Variants in CSMD1 observed in about 807,000 individuals in gnomAD.
CSMD1 encodes CUB and sushi domain-containing protein 1.
In CSMD1, 213 loss-of-function variants were observed where a neutral mutation model predicts 417.5. That is an observed-to-expected ratio of 0.51 (90% CI 0.46 to 0.57). The LOEUF (loss-of-function observed/expected upper bound fraction) is 0.57, where lower values mean the gene tolerates loss of function less well. CSMD1 is among the 20% of genes least tolerant of loss of function. CSMD1 has a pLI of 0.00. For synonymous variants in CSMD1, 2,862 were observed against 1,736.8 expected (o/e 1.65, Z -16.11); for missense variants, 6,923 against 4,529.7 (o/e 1.53, Z -15.17).
chr8:3,215,500 C>G lies in CSMD1; in HGVS notation c.4673-809G>C, dbSNP rs540336296. ...GAAAGGATCATAAGAATGTAAAACT[C>G]AAGGAAAGTTAAGTCACTTCCACAA... On this transcript the variant is annotated intron_variant, in intron 29 of 69. Coordinates refer to ENST00000635120, the MANE Select transcript of CSMD1 (RefSeq NM_033225.6). 2.0e-5 allele frequency among the ~76,000 whole-genome samples: 3 copies of G among 152,314 alleles called. 1 individual carries two copies. The South Asian group carries it at 6.2e-4, about 32-fold the overall frequency.
intron 8 of CSMD1, among the ~76,000 whole-genome samples, chr8:3,605,744 A>C (rs537119498): frequency 3.9e-5 from 6 of 152,250 alleles, no homozygotes; most frequent in African/African-American, 1.4e-4. Context: ...GCACATACCA[A>C]GGACATACAT....
intron 2 of CSMD1, among the ~76,000 whole-genome samples, chr8:4,576,592 C>A (rs1309331686): frequency 6.6e-6 from 1 of 152,020 alleles, no homozygotes; most frequent in Non-Finnish European, 1.5e-5. Flanking sequence ...GGTTATTGTC[C>A]ATCCAGTATC....
At chr8:4,236,293 A>C (rs1459904500) in intron 3 of CSMD1, among the ~76,000 whole-genome samples, 1 of 152,120 alleles carries the variant, frequency 6.6e-6, no homozygotes, top group Non-Finnish European at 1.5e-5. Flanking sequence ...ATTCTTACAG[A>C]AACTAGAACG....
intron 1 of CSMD1, among the ~76,000 whole-genome samples, chr8:4,808,899 C>G (rs1798737412): frequency 6.6e-6 from 1 of 152,128 alleles, no homozygotes; most frequent in Admixed American, 6.6e-5. Context: ...TCTATGTTTA[C>G]AAAAAACTGA....
chr8:3,015,258 T>C (rs1360894992), intron 52 of CSMD1, among the ~76,000 whole-genome samples: 1 of 152,172 alleles, frequency 6.6e-6, no homozygotes, highest in African/African-American at 2.4e-5. Context: ...GACACTCTCT[T>C]TAAAAACGCA....
At chr8:3,407,781 T>C in intron 14 of CSMD1, 118 bp downstream of exon 14, 2 of 870,764 alleles carry the variant, frequency 2.3e-6, no homozygotes, top group South Asian at 1.9e-5. Context: ...ATTTTCATAA[T>C]GATTATAAAA....
chr8:4,755,894 G>A (rs945068837), intron 1 of CSMD1, among the ~76,000 whole-genome samples: 10 of 152,150 alleles, frequency 6.6e-5, no homozygotes, highest in African/African-American at 1.7e-4. Flanking sequence ...TGGGCTGCTC[G>A]GCCTTCAGTT....
chr8:4,286,529 A>C (rs937606087), intron 3 of CSMD1, among the ~76,000 whole-genome samples: 1 of 152,046 alleles, frequency 6.6e-6, no homozygotes, highest in Non-Finnish European at 1.5e-5. Context: ...CTGAGATAAT[A>C]TGGTCTCATC....
chr8:4,814,148 C>T (rs1799066279), intron 1 of CSMD1, among the ~76,000 whole-genome samples: 1 of 152,142 alleles, frequency 6.6e-6, no homozygotes, highest in African/African-American at 2.4e-5. Context: ...ATAACGAATT[C>T]CGTGAAAACT....
intron 4 of CSMD1, among the ~76,000 whole-genome samples, chr8:4,019,353 G>C (rs952171495): frequency 5.9e-5 from 9 of 152,166 alleles, no homozygotes; most frequent in African/African-American, 2.2e-4. Flanking sequence ...GGAGAGTTTT[G>C]TGTCTGTTCC....
chr8:3,800,397 G>T (rs1800390229), intron 5 of CSMD1, among the ~76,000 whole-genome samples: 1 of 152,130 alleles, frequency 6.6e-6, no homozygotes, highest in Non-Finnish European at 1.5e-5. Context: ...TGAATTTAAT[G>T]CAATTATTGA....
At chr8:3,528,534 T>A (rs1797849439) in intron 10 of CSMD1, among the ~76,000 whole-genome samples, 1 of 152,146 alleles carries the variant, frequency 6.6e-6, no homozygotes, top group South Asian at 2.1e-4. Flanking sequence ...TAATCACATC[T>A]CATTTCCATA....
At chr8:4,486,142 CATATATATATATAT>C (rs34170550) in intron 2 of CSMD1, among the ~76,000 whole-genome samples, 654 of 33,482 alleles carry the variant, frequency 0.02, 18 homozygotes, top group African/African-American at 0.068. Context: ...TATATACATA[CATATATATATATAT>C]ACATACATAT....
chr8:4,583,804 C>T (rs1444202804), intron 2 of CSMD1, among the ~76,000 whole-genome samples: 1 of 152,134 alleles, frequency 6.6e-6, no homozygotes, highest in African/African-American at 2.4e-5. Flanking sequence ...TAAAAGCAGG[C>T]TGCCCCAGCC....
At chr8:3,612,493 C>G (rs77859442) in intron 8 of CSMD1, among the ~76,000 whole-genome samples, 4 of 152,100 alleles carry the variant, frequency 2.6e-5, no homozygotes, top group Non-Finnish European at 5.9e-5. Flanking sequence ...CCCAACAACA[C>G]TAAAATATGT....
chr8:4,226,873 T>A (rs571630524), intron 3 of CSMD1, among the ~76,000 whole-genome samples: 14 of 152,354 alleles, frequency 9.2e-5, no homozygotes, highest in Admixed American at 2.6e-4. Flanking sequence ...AGTTTGGGAA[T>A]AAGAAATACA....
At chr8:3,419,873 T>C (rs574837091) in intron 12 of CSMD1, among the ~76,000 whole-genome samples, 4 of 152,298 alleles carry the variant, frequency 2.6e-5, no homozygotes, top group African/African-American at 9.6e-5. Context: ...AGTAGAAATA[T>C]AGACTCTTGG....
At chr8:3,367,731 G>C (rs1460039037) in intron 19 of CSMD1, among the ~76,000 whole-genome samples, 1 of 152,162 alleles carries the variant, frequency 6.6e-6, no homozygotes, top group African/African-American at 2.4e-5. Context: ...CATCAATATT[G>C]AGGAAATATG....
intron 1 of CSMD1, among the ~76,000 whole-genome samples, chr8:4,847,008 G>A (rs1405475876): frequency 6.6e-6 from 1 of 152,010 alleles, no homozygotes; most frequent in Non-Finnish European, 1.5e-5. Context: ...TGATTTGTCA[G>A]TAGAAGAAAC....
Sources: gnomAD v4.1 joint callset for allele counts (sites outside exome capture counted in the v4.1 genomes callset) on GRCh38, gnomAD v4.1.1 for gene constraint, MANE v1.5 for transcripts, NCBI Gene and HGNC (gene_info 2026-07-23, HGNC 2026-07-21) for gene names.